Variants in ZNF536 observed in about 807,000 individuals in gnomAD.
ZNF536 encodes zinc finger protein 536.
ZNF536 carries 13 observed loss-of-function variants against 84.5 expected under a neutral mutation model. The observed-to-expected ratio is 0.15, with a 90% confidence interval of 0.10 to 0.24. The LOEUF is 0.24. Ranked by LOEUF, ZNF536 falls within the 10% of genes least tolerant of loss-of-function variation. The pLI is 1.00. For synonymous variants in ZNF536, 811 were observed against 742.5 expected (o/e 1.09, Z -1.50); for missense variants, 1,536 against 1,747.5 (o/e 0.88, Z 2.16).
intron 2 of ZNF536, among the ~76,000 whole-genome samples, chr19:30,459,275 TG>T (rs1217528322): frequency 1.3e-5 from 2 of 151,850 alleles, no homozygotes; most frequent in South Asian, 2.1e-4. Flanking sequence ...TTATTTCATT[TG>T]GGTACATCTT....
intron 1 of ZNF536, among the ~76,000 whole-genome samples, chr19:30,685,762 G>A (rs186678002): frequency 2.0e-5 from 3 of 152,132 alleles, no homozygotes; most frequent in Non-Finnish European, 2.9e-5. Context: ...AGCCGCTGCC[G>A]CCGTCCTCCC....
chr19:30,556,384 A>AGAAAT (rs1568551637), intron 4 of ZNF536: 3 of 152,248 alleles, frequency 2.0e-5, no homozygotes, highest in African/African-American at 7.2e-5. Context: ...AGAAATCAGC[A>AGAAAT]CCTGGAGTGG....
At chr19:30,562,935 T>C (rs896755376), downstream of ZNF536, among the ~76,000 whole-genome samples, 2 of 152,214 alleles carry the variant, frequency 1.3e-5, no homozygotes, top group African/African-American at 4.8e-5. Context: ...AGCTTTTTGC[T>C]TTCAATTGGA....
rs1264243739 is a variant in ZNF536 at position 30,549,412 on chromosome 19, C to T, written c.3793C>T (p.Leu1265=). ...PQSLDKPMNM[L]SVLRAYSSDG... Reference sequence around the variant, plus strand: ...GAGCCTGGACAAGCCGATGAACATGCTGTCGGTCCTCAGGGCCTACAGTTC... The same window carrying T: ...GAGCCTGGACAAGCCGATGAACATGTTGTCGGTCCTCAGGGCCTACAGTTC... Residue 1265 remains leucine, a synonymous_variant, in exon 4 of 5, where the codon CTG becomes TTG. Coordinates refer to ENST00000355537, the MANE Select transcript of ZNF536 (RefSeq NM_014717.3). 1 of 1,590,080 alleles carries T rather than the reference C, an allele frequency of 6.3e-7. No homozygotes were observed.
intron 1 of ZNF536, among the ~76,000 whole-genome samples, chr19:30,233,209 G>A (rs73021618): frequency 0.13 from 20,235 of 152,062 alleles, 1,371 homozygotes; most frequent in Middle Eastern, 0.22. Context: ...AGGTGGTGTC[G>A]GGGGTTGGGG....
intron 1 of ZNF536, among the ~76,000 whole-genome samples, chr19:30,643,361 T>C (rs1044080155): frequency 6.6e-6 from 1 of 152,200 alleles, no homozygotes; most frequent in East Asian, 1.9e-4. Context: ...CTTGGGAAGA[T>C]TTGGAAAGAG....
At chr19:30,389,555 C>T (rs2049494025) in intron 1 of ZNF536, among the ~76,000 whole-genome samples, 1 of 152,142 alleles carries the variant, frequency 6.6e-6, no homozygotes, top group South Asian at 2.1e-4. Flanking sequence ...TCCCCAGGGG[C>T]TGTATTATGG....
chr19:30,686,903 T>C (rs567008517), intron 1 of ZNF536, among the ~76,000 whole-genome samples: 187 of 152,320 alleles, frequency 1.2e-3, no homozygotes, highest in Non-Finnish European at 2.0e-3. Context: ...TCTCCCCTAA[T>C]TGTAAAATAT....
rs563255172 is a variant in ZNF536 at position 30,337,781 on chromosome 19, G to C, written c.-119-14587G>C. Among the ~76,000 whole-genome samples, 4 of 152,316 alleles carry C rather than the reference G, an allele frequency of 2.6e-5. No homozygotes were observed. The East Asian group carries it at 7.7e-4, about 29-fold the overall frequency. The stretch of plus-strand genomic sequence containing the variant: ...CTAGTGTCTGTATAGTGAGGATAAA[G>C]CGAATAGCAGAAATGAAATGTAATA... On this transcript the variant is annotated intron_variant, in intron 2 of 5. Coordinates refer to the ZNF536 transcript ENST00000585628.
intron 1 of ZNF536, among the ~76,000 whole-genome samples, chr19:30,642,808 G>A (rs531419570): frequency 6.6e-5 from 10 of 152,270 alleles, no homozygotes; most frequent in Admixed American, 6.5e-4. Context: ...CCTTCTTTGA[G>A]TGGATCAAAT....
At chr19:30,586,918 T>A (rs1338496187) in intron 1 of ZNF536, among the ~76,000 whole-genome samples, 3 of 152,340 alleles carry the variant, frequency 2.0e-5, no homozygotes, top group Admixed American at 2.0e-4. Flanking sequence ...GAGATTCAAT[T>A]AAAATTAATT....
At chr19:30,644,301 T>C (rs2049378749) in intron 1 of ZNF536, among the ~76,000 whole-genome samples, 1 of 152,194 alleles carries the variant, frequency 6.6e-6, no homozygotes. Flanking sequence ...TTCATAACGA[T>C]TTGGTTTAAA....
chr19:30,350,425 G>A (rs567576512), intron 2 of ZNF536, among the ~76,000 whole-genome samples: 110 of 152,228 alleles, frequency 7.2e-4, no homozygotes, highest in South Asian at 2.1e-3. Flanking sequence ...TCACCAGATA[G>A]GAAAATAAAT....
intron 1 of ZNF536, among the ~76,000 whole-genome samples, chr19:30,263,241 T>G (rs138299290): frequency 3.8e-4 from 58 of 152,322 alleles, no homozygotes; most frequent in African/African-American, 1.4e-3. Flanking sequence ...GAGCTTCGGT[T>G]GCTTATGTGG....
chr19:30,505,669 A>C (rs2055145608), intron 2 of ZNF536, among the ~76,000 whole-genome samples: 2 of 152,004 alleles, frequency 1.3e-5, no homozygotes, highest in South Asian at 4.2e-4. Flanking sequence ...CGATAGCATA[A>C]GTCTGTATGT....
At chr19:30,361,258 C>T (rs1464821861) in intron 3 of ZNF536, among the ~76,000 whole-genome samples, 2 of 152,258 alleles carry the variant, frequency 1.3e-5, no homozygotes, top group South Asian at 2.1e-4. Flanking sequence ...TGTGCCTGGG[C>T]GACAGCTTCT....
At chr19:30,522,121 C>T (rs1275001993) in intron 2 of ZNF536, among the ~76,000 whole-genome samples, 1 of 151,340 alleles carries the variant, frequency 6.6e-6, no homozygotes, top group African/African-American at 2.4e-5. Flanking sequence ...AGTGGAGTGG[C>T]CTCAGCTGTC....
chr19:30,697,178 A>G (rs4805598), intron 1 of ZNF536, among the ~76,000 whole-genome samples: 54,765 of 151,946 alleles, frequency 0.36, 10,230 homozygotes, highest in East Asian at 0.57. Flanking sequence ...ATCAGCACTC[A>G]TGAGAACTCC....
intron 1 of ZNF536, among the ~76,000 whole-genome samples, chr19:30,381,924 G>A (rs1465200622): frequency 6.6e-6 from 1 of 152,114 alleles, no homozygotes; most frequent in African/African-American, 2.4e-5. Flanking sequence ...TACCCATGAA[G>A]TTTGCTACAG....
Sources: gnomAD v4.1 joint callset for allele counts (sites outside exome capture counted in the v4.1 genomes callset) on GRCh38, gnomAD v4.1.1 for gene constraint, MANE v1.5 for transcripts, NCBI Gene and HGNC (gene_info 2026-07-23, HGNC 2026-07-21) for gene names.